The following RADIL variants were observed in gnomAD, a reference collection of about 807,000 sequenced individuals.
The protein encoded by RADIL is Rap associating with DIL domain, also known as ras-associating and dilute domain-containing protein.
In RADIL, 99 loss-of-function variants were observed where a neutral mutation model predicts 97.6. That is an observed-to-expected ratio of 1.01 (90% CI 0.86 to 1.20). The LOEUF is 1.20. Among genes scored for constraint, RADIL ranks in the 50% most tolerant of loss-of-function variants. RADIL has a pLI of 0.00. For missense variants in RADIL, 1,765 were observed against 1,498.9 expected (o/e 1.18, Z -2.93); for synonymous variants, 803 against 691.8 (o/e 1.16, Z -2.52).
At chr7:4,804,865 G>A (rs1782241912) in intron 10 of RADIL, among the ~76,000 whole-genome samples, 1 of 151,880 alleles carries the variant, frequency 6.6e-6, no homozygotes, top group Non-Finnish European at 1.5e-5. Flanking sequence ...GGAGGCTGAG[G>A]TGGGCGAATC....
chr7:4,861,744 CGCCGTA>C, intron 2 of RADIL: 1 of 1,506,652 alleles, frequency 6.6e-7, no homozygotes, highest in Non-Finnish European at 8.9e-7. Flanking sequence ...GGCGAGGAGA[CGCCGTA>C]GCGATTCGGC....
At chr7:4,830,544 G>A (rs563240146) in intron 5 of RADIL, among the ~76,000 whole-genome samples, 2 of 152,248 alleles carry the variant, frequency 1.3e-5, no homozygotes, top group Admixed American at 6.5e-5. Context: ...GAGAGCAAGG[G>A]AGGAGAAGGC....
intron 5 of RADIL, among the ~76,000 whole-genome samples, chr7:4,828,975 C>T (rs1395981438): frequency 6.6e-6 from 1 of 152,180 alleles, no homozygotes; most frequent in Admixed American, 6.5e-5. Context: ...CACCTCAGCA[C>T]TTAGGAGGAT....
intron 2 of RADIL, chr7:4,861,834 G>GCACGCCCCCCACCACCGCGACCTT: frequency 5.5e-6 from 7 of 1,268,412 alleles, no homozygotes; most frequent in African/African-American, 1.6e-5. Flanking sequence ...CCCCGCCAGG[G>GCACGCCCCCCACCACCGCGACCTT]CACGTCCCCC....
At position 4,860,870 on chromosome 7, in the gene RADIL, A is replaced by C. The variant is rs1235265608; in HGVS notation, c.535+16735T>G. 4 of 1,614,080 alleles carry C rather than the reference A, an allele frequency of 2.5e-6. No homozygotes were observed. In the African/African-American group the frequency reaches 5.3e-5, roughly 22 times the overall value. Reference sequence around the variant, plus strand: ...TGGGTATGCTGGTGTGATGATAGGCATAAGATGGTACCTATCACTGGGATT... The same window carrying C: ...TGGGTATGCTGGTGTGATGATAGGCCTAAGATGGTACCTATCACTGGGATT... On this transcript the variant is annotated intron_variant, in intron 2 of 14. Transcript: ENST00000399583.
rs1782911880 is a variant in RADIL at position 4,824,198 on chromosome 7, C to T, written c.1455-1644G>A. Among the ~76,000 whole-genome samples, 1 of 152,212 alleles carries T rather than the reference C, an allele frequency of 6.6e-6. No homozygotes were observed. The highest frequency in any genetic ancestry group is 2.4e-5 in the African/African-American group (1 of 41,460). ...CGGGTACCCCTTGTCACCTGTGTCCCTTACTGGGGGGATTCTAAGGGGTGA... is the reference window on the plus strand; with the variant it reads ...CGGGTACCCCTTGTCACCTGTGTCCTTTACTGGGGGGATTCTAAGGGGTGA... On this transcript the variant is annotated intron_variant, in intron 5 of 14. Coordinates refer to ENST00000399583, the MANE Select transcript of RADIL (RefSeq NM_018059.5). The surrounding 1 kb of genome is among the most constrained non-coding windows in gnomAD (Gnocchi z 6.7).
intron 2 of RADIL, chr7:4,860,307 CAT>C: frequency 6.2e-7 from 1 of 1,613,990 alleles, no homozygotes; most frequent in South Asian, 1.1e-5. Context: ...TCCTGAAGCA[CAT>C]GATGAGGCAG....
At chr7:4,859,273 A>T (rs1783911768) in intron 2 of RADIL, 1 of 152,676 alleles carries the variant, frequency 6.5e-6, no homozygotes, top group Non-Finnish European at 1.5e-5. Flanking sequence ...AATTAGTTCT[A>T]CTTTCTAATA....
At chr7:4,832,293 G>T in intron 4 of RADIL, 115 bp from the exon 5 acceptor site, 1 of 973,198 alleles carries the variant, frequency 1.0e-6, no homozygotes, top group Non-Finnish European at 1.6e-6. Context: ...CAGGCATCCT[G>T]TGTGACGCTG....
At position 4,837,672 on chromosome 7, in the gene RADIL, C is replaced by T. The variant is rs1783337322; in HGVS notation, c.536-1067G>A. Among the ~76,000 whole-genome samples, 1 of 152,154 alleles carries T rather than the reference C, an allele frequency of 6.6e-6. No individual in the cohort carries two copies. Among genetic ancestry groups the T allele is most frequent in the Non-Finnish European group, 1.5e-5 (1 of 68,028 alleles). The stretch of plus-strand genomic sequence containing the variant: ...ACATACACACACGCCAACACACATG[C>T]ACCCACACACATTAACACATACATG... On this transcript the variant is annotated intron_variant, in intron 2 of 14. Transcript: ENST00000399583. This position sits in a 1 kb window ranked among gnomAD's most constrained non-coding sequence, Gnocchi z 5.6.
Position 4,822,528 on chromosome 7 carries a change from C to A in RADIL, c.1481G>T (p.Cys494Phe), listed in dbSNP as rs1198294063. 2 of 1,612,894 alleles carry A rather than the reference C, an allele frequency of 1.2e-6. No homozygotes were observed. Among genetic ancestry groups the A allele is most frequent in the Non-Finnish European group, 1.7e-6 (2 of 1,179,974 alleles). Residue 494 changes from cysteine to phenylalanine, a missense_variant, in exon 6 of 15, where the codon TGC (cysteine) becomes TTC (phenylalanine). Transcript: ENST00000399583. This position sits in a 1 kb window ranked among gnomAD's most constrained non-coding sequence, Gnocchi z 5.3. Reference protein sequence around the residue: ...QLQEPISLASCAMADLVPDLQ... With the variant: ...QLQEPISLASFAMADLVPDLQ... Reference sequence around the variant, plus strand: ...GTCTGGAACCAGATCAGCCATGGCGCAGCTGGCCAGCGAGATGGGCTCCTG... The same window carrying A: ...GTCTGGAACCAGATCAGCCATGGCGAAGCTGGCCAGCGAGATGGGCTCCTG...
chr7:4,865,719 G>T, intron 2 of RADIL: 2 of 1,046,048 alleles, frequency 1.9e-6, no homozygotes, highest in Non-Finnish European at 2.9e-6. Context: ...CATCTTCTAC[G>T]GGGTGGGTGC....
intron 2 of RADIL, among the ~76,000 whole-genome samples, chr7:4,848,164 C>T (rs905342657): frequency 1.2e-4 from 18 of 150,394 alleles, no homozygotes; most frequent in Non-Finnish European, 2.4e-4. Flanking sequence ...CACACCACTG[C>T]ACTCCAGCCT....
chr7:4,810,122 G>A lies in RADIL; in HGVS notation c.2140-4406C>T, dbSNP rs992455674. Among the ~76,000 whole-genome samples the A allele has an allele frequency of 4.0e-5, 6 of 150,106 alleles. No homozygotes were observed. In the South Asian group the frequency reaches 1.3e-3, roughly 32 times the overall value. On this transcript the variant is annotated intron_variant, in intron 9 of 14. Coordinates refer to ENST00000399583, the MANE Select transcript of RADIL (RefSeq NM_018059.5). ...CCCACCTCGGCCTCCCAAAGTGCTG[G>A]GATTACAGGCGTCAGCCACCATGCC...
rs779865431 is a variant in RADIL, at chr7:4,877,960, C to T, written c.180G>A (p.Ser60=). ...DDPAELSTQL[S]APGVLKVFGD... is the part of the protein sequence containing the mutation. ...CAAACACCTTCAGGACACCAGGGGC[C>T]GACAGCTGGGTGGAGAGCTCGGCGG... is the stretch of plus-strand genomic sequence containing the variant. Residue 60 remains serine, a synonymous_variant, in exon 2 of 15, where the codon TCG becomes TCA. Coordinates refer to ENST00000399583, the MANE Select transcript of RADIL (RefSeq NM_018059.5). The T allele has an allele frequency of 1.1e-5, 17 of 1,610,976 alleles. No homozygotes were observed. The highest frequency in any genetic ancestry group is 6.7e-5 in the East Asian group (3 of 44,888).
At chr7:4,851,062 G>A (rs1227347969) in intron 2 of RADIL, among the ~76,000 whole-genome samples, 9 of 152,048 alleles carry the variant, frequency 5.9e-5, no homozygotes, top group South Asian at 2.1e-4. Context: ...AAAAGTAGCC[G>A]GGCATGGTGG....
intron 2 of RADIL, among the ~76,000 whole-genome samples, chr7:4,874,491 C>G (rs927537830): frequency 3.3e-5 from 5 of 152,222 alleles, no homozygotes; most frequent in African/African-American, 1.2e-4. Context: ...CCGGCCGCCT[C>G]AGTGAACCTT....
Position 4,837,629 on chromosome 7 carries a change from A to C in RADIL, c.536-1024T>G, listed in dbSNP as rs1039438887. Reference sequence around the variant, plus strand: ...CACACACATGCACACACATGCACCCAAAAACACACATGCACACACATACAC... The same window carrying C: ...CACACACATGCACACACATGCACCCCAAAACACACATGCACACACATACAC... On this transcript the variant is annotated intron_variant, in intron 2 of 14. Coordinates refer to ENST00000399583, the MANE Select transcript of RADIL (RefSeq NM_018059.5). This position sits in a 1 kb window ranked among gnomAD's most constrained non-coding sequence, Gnocchi z 5.6. 2.6e-5 allele frequency among the ~76,000 whole-genome samples: 4 copies of C among 152,152 alleles called. No individual in the cohort carries two copies. Among genetic ancestry groups the C allele is most frequent in the Non-Finnish European group, 4.4e-5 (3 of 68,028 alleles).
chr7:4,877,237 G>A (rs1784394949), intron 2 of RADIL, among the ~76,000 whole-genome samples: 1 of 152,212 alleles, frequency 6.6e-6, no homozygotes, highest in African/African-American at 2.4e-5. Flanking sequence ...GAGGGCAGGA[G>A]GTCAAGACTA....
Sources: allele counts gnomAD v4.1 joint callset (sites outside exome capture counted in the v4.1 genomes callset), GRCh38; gene constraint gnomAD v4.1.1; non-coding constraint Gnocchi (gnomAD v3.1); transcripts MANE v1.5; gene names NCBI Gene and HGNC (gene_info 2026-07-23, HGNC 2026-07-21).